CNTNAP2: variants seen among roughly 807,000 people sequenced by gnomAD.
CNTNAP2 encodes contactin associated protein 2, also known as contactin-associated protein-like 2.
In CNTNAP2, 98 loss-of-function variants were observed where a neutral mutation model predicts 155.2. That is an observed-to-expected ratio of 0.63 (90% CI 0.54 to 0.75). The LOEUF (loss-of-function observed/expected upper bound fraction) is 0.75, where lower values mean the gene tolerates loss of function less well. CNTNAP2 is among the 30% of genes least tolerant of loss of function. The pLI is 0.00. For missense variants in CNTNAP2, 1,727 were observed against 1,688.1 expected (o/e 1.02, Z -0.40); for synonymous variants, 651 against 631.2 (o/e 1.03, Z -0.47).
chr7:146,779,827 C>T (rs1014106373), intron 2 of CNTNAP2, among the ~76,000 whole-genome samples: 3 of 152,180 alleles, frequency 2.0e-5, no homozygotes, highest in Admixed American at 6.5e-5. Flanking sequence ...CTATTTCCTT[C>T]AGCAGGGAAA....
chr7:148,051,416 G>GT (rs112520560), intron 15 of CNTNAP2, among the ~76,000 whole-genome samples: 2,133 of 145,372 alleles, frequency 0.015, 33 homozygotes, highest in African/African-American at 0.049. Context: ...TTTCTTTTCT[G>GT]TTTTTTTTTT....
chr7:147,916,801 G>A (rs1390728627), intron 14 of CNTNAP2, among the ~76,000 whole-genome samples: 3 of 151,986 alleles, frequency 2.0e-5, no homozygotes, highest in African/African-American at 7.3e-5. Context: ...CGTTATAATT[G>A]TGGACCTATC....
At chr7:146,437,613 C>G (rs1294867865) in intron 1 of CNTNAP2, among the ~76,000 whole-genome samples, 1 of 151,476 alleles carries the variant, frequency 6.6e-6, no homozygotes, top group Non-Finnish European at 1.5e-5. Flanking sequence ...TCAATTTGTG[C>G]TTCATTGACA....
chr7:148,305,851 C>T (rs760426294), intron 21 of CNTNAP2, among the ~76,000 whole-genome samples: 19 of 152,124 alleles, frequency 1.2e-4, no homozygotes, highest in Non-Finnish European at 2.4e-4. Flanking sequence ...AGAGCCAAGC[C>T]GTATCACCAT....
At position 146,562,117 on chromosome 7, in the gene CNTNAP2, G is replaced by C. The variant is rs186369724; in HGVS notation, c.98-212154G>C. 4.6e-3 allele frequency among the ~76,000 whole-genome samples: 698 copies of C among 152,156 alleles called. 5 individuals carry two copies. The highest frequency in any genetic ancestry group is 0.016 in the African/African-American group (651 of 41,522). Reference sequence around the variant, plus strand: ...AAACATTTTTGAATCTCCTTAACTTGTTTCTAAATCACCACTCTTATTTCC... The same window carrying C: ...AAACATTTTTGAATCTCCTTAACTTCTTTCTAAATCACCACTCTTATTTCC... On this transcript the variant is annotated intron_variant, in intron 1 of 23. Coordinates refer to ENST00000361727, the MANE Select transcript of CNTNAP2 (RefSeq NM_014141.6).
intron 1 of CNTNAP2, among the ~76,000 whole-genome samples, chr7:146,174,037 T>G (rs749731920): frequency 2.6e-5 from 4 of 152,128 alleles, no homozygotes; most frequent in Non-Finnish European, 5.9e-5. Context: ...ATACCCTATC[T>G]CTACAAAAAA....
intron 11 of CNTNAP2, among the ~76,000 whole-genome samples, chr7:147,520,612 T>C (rs922055509): frequency 6.6e-6 from 1 of 152,194 alleles, no homozygotes; most frequent in African/African-American, 2.4e-5. Context: ...TAGAAAGGTC[T>C]GCATTTGGTG....
chr7:148,134,675 C>A (rs188643281), intron 16 of CNTNAP2, among the ~76,000 whole-genome samples: 3 of 152,078 alleles, frequency 2.0e-5, no homozygotes, highest in Non-Finnish European at 4.4e-5. Flanking sequence ...ATAAACTGAA[C>A]TTTCTGATTA....
chr7:146,960,503 T>C (rs961845472), intron 3 of CNTNAP2, among the ~76,000 whole-genome samples: 2 of 152,172 alleles, frequency 1.3e-5, no homozygotes, highest in Non-Finnish European at 2.9e-5. Context: ...TCATTTGAAA[T>C]ATGATGTGGC....
chr7:148,258,454 C>T (rs1216335916), intron 20 of CNTNAP2, among the ~76,000 whole-genome samples: 1 of 152,144 alleles, frequency 6.6e-6, no homozygotes, highest in Admixed American at 6.5e-5. Flanking sequence ...ATCCTTGATA[C>T]TGGGGTCAAG....
intron 1 of CNTNAP2, among the ~76,000 whole-genome samples, chr7:146,508,364 G>A (rs532806149): frequency 2.4e-4 from 37 of 152,324 alleles, no homozygotes; most frequent in African/African-American, 8.7e-4. Context: ...ACCCTGGAAT[G>A]TATTCAAGTA....
intron 13 of CNTNAP2, among the ~76,000 whole-genome samples, chr7:147,840,721 A>C (rs182057239): frequency 7.7e-4 from 118 of 152,322 alleles, no homozygotes; most frequent in Middle Eastern, 6.8e-3. Flanking sequence ...GTAATCCAGA[A>C]GAGAAATGAT....
At chr7:146,889,414 G>C (rs1306427475) in intron 3 of CNTNAP2, among the ~76,000 whole-genome samples, 6 of 152,076 alleles carry the variant, frequency 3.9e-5, no homozygotes, top group African/African-American at 1.4e-4. Context: ...TTGTGGTCTT[G>C]GGTAAGTCTC....
At chr7:146,408,089 C>T (rs1199722402) in intron 1 of CNTNAP2, among the ~76,000 whole-genome samples, 3 of 152,194 alleles carry the variant, frequency 2.0e-5, no homozygotes, top group African/African-American at 7.2e-5. Context: ...AGATTTTCAA[C>T]TGTATGGGGA....
intron 12 of CNTNAP2, among the ~76,000 whole-genome samples, chr7:147,607,375 CCTTTCT>C (rs543723472): frequency 5.9e-5 from 9 of 151,620 alleles, no homozygotes; most frequent in African/African-American, 1.7e-4. Context: ...ACATTTCCTT[CCTTTCT>C]CTTTCTCTTT....
intron 1 of CNTNAP2, among the ~76,000 whole-genome samples, chr7:146,627,646 T>C (rs1008410576): frequency 1.6e-4 from 24 of 152,144 alleles, no homozygotes; most frequent in African/African-American, 5.5e-4. Context: ...TTTTATGTAA[T>C]GACCTTCACA....
chr7:147,248,567 TAGTCCCTTA>T (rs926421930), intron 8 of CNTNAP2, among the ~76,000 whole-genome samples: 46 of 152,336 alleles, frequency 3.0e-4, no homozygotes, highest in African/African-American at 1.1e-3. Flanking sequence ...ACTCTCTTAA[TAGTCCCTTA>T]TGGGGCCGGT....
At chr7:146,271,732 A>AT (rs1800085438) in intron 1 of CNTNAP2, among the ~76,000 whole-genome samples, 1 of 151,938 alleles carries the variant, frequency 6.6e-6, no homozygotes, top group Non-Finnish European at 1.5e-5. Flanking sequence ...GAGAGCCACA[A>AT]TTTTCACAAA....
chr7:148,371,963 G>A (rs189053775), intron 21 of CNTNAP2, among the ~76,000 whole-genome samples: 17 of 152,346 alleles, frequency 1.1e-4, no homozygotes, highest in Non-Finnish European at 4.4e-5. Flanking sequence ...CACTTTGGGA[G>A]GCCGAGGCAG....
Sources: gnomAD v4.1 joint callset for allele counts (sites outside exome capture counted in the v4.1 genomes callset) on GRCh38, gnomAD v4.1.1 for gene constraint, MANE v1.5 for transcripts, NCBI Gene and HGNC (gene_info 2026-07-23, HGNC 2026-07-21) for gene names.